PRKN: variants seen among roughly 807,000 people sequenced by gnomAD.
PRKN encodes the protein E3 ubiquitin-protein ligase parkin.
PRKN carries 56 observed loss-of-function variants against 59.5 expected under a neutral mutation model. The observed-to-expected ratio is 0.94, with a 90% confidence interval of 0.76 to 1.18. The LOEUF (loss-of-function observed/expected upper bound fraction) is 1.18. Among genes scored for constraint, PRKN ranks in the 50% most tolerant of loss-of-function variants. The pLI, the probability that PRKN is intolerant of heterozygous loss-of-function variation, is 0.00. For synonymous variants in PRKN, 250 were observed against 222.1 expected, an observed-to-expected ratio of 1.13 and a Z score of -1.12; for missense variants, 657 against 596.4, an observed-to-expected ratio of 1.10 and a Z score of -1.06.
chr6:162,515,634 T>C (rs943086134), intron 1 of PRKN, among the ~76,000 whole-genome samples: 5 of 152,198 alleles, frequency 3.3e-5, no homozygotes, highest in African/African-American at 1.2e-4. Flanking sequence ...GTCTTTGAAA[T>C]GAGTTGGTTA....
chr6:162,092,337 G>C (rs4618497), intron 4 of PRKN, among the ~76,000 whole-genome samples: 6,887 of 152,192 alleles, frequency 0.045, 191 homozygotes, highest in Non-Finnish European at 0.059. Flanking sequence ...GTGGGTGACA[G>C]AGTGAGTCTA....
intron 6 of PRKN, among the ~76,000 whole-genome samples, chr6:161,924,386 A>C (rs1778893559): frequency 6.6e-6 from 1 of 152,090 alleles, no homozygotes; most frequent in South Asian, 2.1e-4. Flanking sequence ...AGTATTTTCT[A>C]TTTGTTTCCT....
chr6:161,755,889 G>A (rs1788895962), intron 7 of PRKN, among the ~76,000 whole-genome samples: 1 of 152,096 alleles, frequency 6.6e-6, no homozygotes, highest in South Asian at 2.1e-4. Flanking sequence ...AGCACAAGTG[G>A]CTACTGCCCT....
chr6:162,240,106 C>G (rs1029767603), intron 3 of PRKN, among the ~76,000 whole-genome samples: 1 of 152,136 alleles, frequency 6.6e-6, no homozygotes, highest in Non-Finnish European at 1.5e-5. Context: ...GCAGGTTTTA[C>G]GCTCAGGTTT....
intron 1 of PRKN, among the ~76,000 whole-genome samples, chr6:162,492,975 A>T (rs1022158532): frequency 1.3e-5 from 2 of 151,318 alleles, no homozygotes; most frequent in Admixed American, 6.6e-5. Flanking sequence ...AAAAAAAAAA[A>T]AAGAAGCAGA....
rs1789141986 is a variant in PRKN, at chr6:161,440,197, C to A, written c.1084-53320G>T. Among the ~76,000 whole-genome samples, 1 of 152,048 alleles carries A rather than the reference C, an allele frequency of 6.6e-6. No individual in the cohort carries two copies. Among genetic ancestry groups the A allele is most frequent in the African/African-American group, 2.4e-5 (1 of 41,398 alleles). ...CTCCATCTCCTGACCTCGTGATCCG[C>A]CCGTCTCGGCCTCCCAAAGTGCTGG... On this transcript the variant is annotated intron_variant, in intron 9 of 11. Coordinates refer to ENST00000366898, the MANE Select transcript of PRKN (RefSeq NM_004562.3). This position sits in a 1 kb window ranked among gnomAD's most constrained non-coding sequence, Gnocchi z 4.1.
chr6:161,639,437 A>C lies in PRKN; in HGVS notation c.872-70021T>G, dbSNP rs192130752. Among the ~76,000 whole-genome samples, 749 of 152,058 alleles carry C rather than the reference A, an allele frequency of 4.9e-3. 16 individuals carry two copies. The East Asian group carries it at 0.061, about 12-fold the overall frequency. On this transcript the variant is annotated intron_variant, in intron 7 of 11. Transcript: ENST00000366898. The stretch of plus-strand genomic sequence containing the variant: ...TGGAGGGTCACCAGGTAGCAGAAAC[A>C]CTCCTGGCCTCGCCTGTACTCCTCA...
intron 4 of PRKN, among the ~76,000 whole-genome samples, chr6:162,072,623 C>T (rs1424023778): frequency 6.6e-6 from 1 of 152,118 alleles, no homozygotes; most frequent in Non-Finnish European, 1.5e-5. Context: ...TTGTAATATA[C>T]ATGTAACTGT....
intron 6 of PRKN, among the ~76,000 whole-genome samples, chr6:161,815,576 T>C (rs1189232907): frequency 3.3e-5 from 5 of 152,202 alleles, no homozygotes; most frequent in East Asian, 3.9e-4. Context: ...CCACAAAATA[T>C]ATGAAACAAT....
chr6:161,637,968 A>C (rs1273115254), intron 7 of PRKN, among the ~76,000 whole-genome samples: 1 of 152,154 alleles, frequency 6.6e-6, no homozygotes, highest in African/African-American at 2.4e-5. Context: ...CTTTCCATAC[A>C]GTCTTAAACT....
At position 161,376,688 on chromosome 6, in the gene PRKN, G is replaced by A. The variant is rs1389202873; in HGVS notation, c.1167+10106C>T. Among the ~76,000 whole-genome samples, 1 of 152,160 alleles carries A rather than the reference G, an allele frequency of 6.6e-6. No individual in the cohort carries two copies. The highest frequency in any genetic ancestry group is 1.9e-4 in the East Asian group (1 of 5,170). ...TCACGCCCAGTGGTGGAGGGTGGAT[G>A]CGAAGGGCTCACCTCTAGCCTCCTA... is the stretch of plus-strand genomic sequence containing the variant. On this transcript the variant is annotated intron_variant, in intron 10 of 11. Transcript: ENST00000366898. The surrounding 1 kb of genome is among the most constrained non-coding windows in gnomAD (Gnocchi z 7.3).
At chr6:161,831,638 T>C (rs1284741740) in intron 6 of PRKN, among the ~76,000 whole-genome samples, 1 of 152,210 alleles carries the variant, frequency 6.6e-6, no homozygotes, top group Admixed American at 6.5e-5. Context: ...TCTCTTAACA[T>C]TTTGTGGACT....
chr6:162,141,917 C>G (rs1203518603), intron 4 of PRKN, among the ~76,000 whole-genome samples: 1 of 152,096 alleles, frequency 6.6e-6, no homozygotes, highest in Middle Eastern at 3.2e-3. Flanking sequence ...CTGAAAATAG[C>G]GCACTCAGGC....
chr6:161,607,268 G>C (rs1448083482), intron 7 of PRKN, among the ~76,000 whole-genome samples: 1 of 152,066 alleles, frequency 6.6e-6, no homozygotes, highest in Non-Finnish European at 1.5e-5. Context: ...CTTGCACACG[G>C]TTTCCAATCA....
chr6:162,579,810 T>C (rs962903884), intron 1 of PRKN, among the ~76,000 whole-genome samples: 84 of 152,164 alleles, frequency 5.5e-4, no homozygotes, highest in African/African-American at 1.9e-3. Context: ...CACACACAAT[T>C]ATTGGGCTTA....
At chr6:162,292,344 A>G (rs1235012956) in intron 2 of PRKN, among the ~76,000 whole-genome samples, 1 of 152,112 alleles carries the variant, frequency 6.6e-6, no homozygotes, top group Non-Finnish European at 1.5e-5. Flanking sequence ...AACACCATAA[A>G]GGAGCAGAAT....
chr6:162,192,134 A>C (rs1428605705), intron 4 of PRKN, among the ~76,000 whole-genome samples: 1 of 152,190 alleles, frequency 6.6e-6, no homozygotes, highest in East Asian at 1.9e-4. Context: ...AGTATCAAGA[A>C]ATATTTCTCT....
intron 1 of PRKN, among the ~76,000 whole-genome samples, chr6:162,712,513 G>C (rs925651595): frequency 3.9e-5 from 6 of 152,178 alleles, no homozygotes; most frequent in African/African-American, 1.4e-4. Flanking sequence ...AAAGGAACTA[G>C]AGTAAATATC....
chr6:162,683,536 C>G (rs913946248), intron 1 of PRKN, among the ~76,000 whole-genome samples: 2 of 152,130 alleles, frequency 1.3e-5, no homozygotes, highest in African/African-American at 4.8e-5. Flanking sequence ...AAGTGACTCA[C>G]AGATCATTAG....
Sources: gnomAD v4.1 joint callset for allele counts (sites outside exome capture counted in the v4.1 genomes callset) on GRCh38, gnomAD v4.1.1 for gene constraint, Gnocchi (gnomAD v3.1) non-coding constraint, MANE v1.5 for transcripts, NCBI Gene and HGNC (gene_info 2026-07-23, HGNC 2026-07-21) for gene names.